The following DHTKD1 variants were observed in gnomAD, a reference collection of about 807,000 sequenced individuals.
DHTKD1 encodes the protein dehydrogenase E1 and transketolase domain containing 1, also known as 2-oxoadipate dehydrogenase complex component E1.
DHTKD1 carries 78 observed loss-of-function variants against 101.8 expected under a neutral mutation model. The observed-to-expected ratio is 0.77, with a 90% confidence interval of 0.64 to 0.93. The LOEUF (loss-of-function observed/expected upper bound fraction) is 0.93, where lower values mean the gene tolerates loss of function less well. Ranked by LOEUF, DHTKD1 falls within the 40% of genes least tolerant of loss-of-function variation. DHTKD1 has a pLI of 0.00. For synonymous variants in DHTKD1, 462 were observed against 450.3 expected (o/e 1.03, Z -0.33); for missense variants, 1,223 against 1,161.7 (o/e 1.05, Z -0.77).
intron 11 of DHTKD1, among the ~76,000 whole-genome samples, chr10:12,106,622 C>T (rs1833252449): frequency 6.6e-6 from 1 of 152,170 alleles, no homozygotes; most frequent in South Asian, 2.1e-4. Flanking sequence ...GCACTGGTGC[C>T]ACCCAGCACC....
chr10:12,087,501 C>T lies in DHTKD1; in HGVS notation c.523-34C>T. 3 of 1,544,294 alleles carry T rather than the reference C, an allele frequency of 1.9e-6. No individual in the cohort carries two copies. Among genetic ancestry groups the T allele is most frequent in the Non-Finnish European group, 2.6e-6 (3 of 1,142,636 alleles). On this transcript the variant is annotated intron_variant, in intron 3 of 16. Transcript: ENST00000263035. This position sits in a 1 kb window ranked among gnomAD's most constrained non-coding sequence, Gnocchi z 5.2. ...CTTCCACTGGAGAAGCTGGCTGTCTCCTGGCAGCTCACGTCTGACATGATG... is the reference window on the plus strand; with the variant it reads ...CTTCCACTGGAGAAGCTGGCTGTCTTCTGGCAGCTCACGTCTGACATGATG...
chr10:12,086,590 T>C (rs1832903099), intron 3 of DHTKD1, among the ~76,000 whole-genome samples: 1 of 152,128 alleles, frequency 6.6e-6, no homozygotes, highest in Non-Finnish European at 1.5e-5. Context: ...CCCAAAGTGC[T>C]GGGATTAAGG....
chr10:12,085,135 C>A (rs989689930), intron 3 of DHTKD1, among the ~76,000 whole-genome samples: 4 of 152,034 alleles, frequency 2.6e-5, no homozygotes, highest in Non-Finnish European at 1.5e-5. Flanking sequence ...CATAGAGAAA[C>A]CCCGTCTCTA....
intron 7 of DHTKD1, among the ~76,000 whole-genome samples, chr10:12,096,995 T>C (rs1249010601): frequency 2.0e-5 from 3 of 152,236 alleles, no homozygotes; most frequent in Admixed American, 6.5e-5. Context: ...CAAAAACTTA[T>C]AAATTTGTTT....
chr10:12,098,537 G>A (rs1833108848), intron 8 of DHTKD1, among the ~76,000 whole-genome samples: 1 of 152,130 alleles, frequency 6.6e-6, no homozygotes, highest in African/African-American at 2.4e-5. Flanking sequence ...CTTAAGCTTG[G>A]ATGAAGGAAC....
rs997479478 is a variant in DHTKD1 at position 12,107,558 on chromosome 10, C to T, written c.2048-351C>T. Among the ~76,000 whole-genome samples the T allele has an allele frequency of 1.3e-5, 2 of 152,078 alleles. No homozygotes were observed. Among genetic ancestry groups the T allele is most frequent in the African/African-American group, 2.4e-5 (1 of 41,422 alleles). ...TCAGCCTCCCGAGTAGCTGGGACTA[C>T]AGACATGTGCCACTACAGCTGGCTA... On this transcript the variant is annotated intron_variant, in intron 11 of 16. Transcript: ENST00000263035. This position sits in a 1 kb window ranked among gnomAD's most constrained non-coding sequence, Gnocchi z 4.1.
intron 1 of DHTKD1, among the ~76,000 whole-genome samples, chr10:12,075,194 T>G (rs889561663): frequency 6.6e-6 from 1 of 152,138 alleles, no homozygotes; most frequent in African/African-American, 2.4e-5. Flanking sequence ...TTTTTCTTTT[T>G]TTTGAGACGG....
At chr10:12,119,632 A>G (rs7095490) in intron 15 of DHTKD1, among the ~76,000 whole-genome samples, 1,528 of 150,896 alleles carry the variant, frequency 0.01, 28 homozygotes, top group African/African-American at 0.035. Context: ...AAAAAAAAAA[A>G]AAAGAAAGAA....
At chr10:12,084,304 GAT>G (rs1491252956) in intron 2 of DHTKD1, among the ~76,000 whole-genome samples, 1 of 93,416 alleles carries the variant, frequency 1.1e-5, no homozygotes, top group Admixed American at 1.2e-4. Context: ...CTTGCCACAT[GAT>G]TTTTTTTTTT....
In DHTKD1 at chr10:12,108,004, C is replaced by T. The variant is rs200788729; in HGVS notation, c.2143C>T (p.Arg715Cys). Reference sequence around the variant, plus strand: ...AGACCACTCATCCTGTCGAATAGAGCGTTTCCTGCAGGTAAGGGTAACGTC... The same window carrying T: ...AGACCACTCATCCTGTCGAATAGAGTGTTTCCTGCAGGTAAGGGTAACGTC... ...GPDHSSCRIE[R>C]FLQMCDSAEE... is the part of the protein sequence containing the mutation. Residue 715 changes from arginine to cysteine, a missense_variant, in exon 12 of 17, where the codon CGT becomes TGT. By Grantham distance (180) the Arg-to-Cys change is radical. Coordinates refer to ENST00000263035, the MANE Select transcript of DHTKD1 (RefSeq NM_018706.7). 39 of 1,612,732 alleles carry T rather than the reference C, an allele frequency of 2.4e-5. No individual in the cohort carries two copies. Among genetic ancestry groups the T allele is most frequent in the East Asian group, 6.7e-5 (3 of 44,852 alleles).
intron 13 of DHTKD1, among the ~76,000 whole-genome samples, 157 bp from the exon 14 acceptor site, chr10:12,117,516 T>C (rs948137211): frequency 6.6e-6 from 1 of 152,092 alleles, no homozygotes; most frequent in African/African-American, 2.4e-5. Context: ...TATACAGAAC[T>C]GATATTTTTT....
At position 12,088,972 on chromosome 10, in the gene DHTKD1, T is replaced by C. The variant is rs957443938; in HGVS notation, c.718-14T>C. 8 of 1,603,702 alleles carry C rather than the reference T, an allele frequency of 5.0e-6. No individual in the cohort carries two copies. Among genetic ancestry groups the C allele is most frequent in the African/African-American group, 1.3e-5 (1 of 74,688 alleles). Reference sequence around the variant, plus strand: ...TGAATGCCATTTTTTTCCTTTTGAATGTATCCACAATAGCTGATGTTCCGT... The same window carrying C: ...TGAATGCCATTTTTTTCCTTTTGAACGTATCCACAATAGCTGATGTTCCGT... On this transcript the variant is annotated splice_polypyrimidine_tract_variant and intron_variant, in intron 4 of 16. Transcript: ENST00000263035.
At chr10:12,119,552 C>T (rs1445107443) in intron 15 of DHTKD1, among the ~76,000 whole-genome samples, 137 of 140,238 alleles carry the variant, frequency 9.8e-4, no homozygotes, top group African/African-American at 3.6e-3. Flanking sequence ...GGAGGCGGAG[C>T]TTGCAGTGAG....
chr10:12,097,172 C>T (rs1247342828), intron 7 of DHTKD1, among the ~76,000 whole-genome samples: 2 of 152,114 alleles, frequency 1.3e-5, no homozygotes, highest in Non-Finnish European at 2.9e-5. Flanking sequence ...AACTCAGTGG[C>T]ATTTATTTAC....
chr10:12,102,790 G>A (rs767173394), intron 10 of DHTKD1, among the ~76,000 whole-genome samples: 2 of 152,068 alleles, frequency 1.3e-5, no homozygotes, highest in Non-Finnish European at 1.5e-5. Flanking sequence ...GTGCAGTGGC[G>A]TGATCTAGGC....
chr10:12,094,433 T>C (rs947686465), intron 7 of DHTKD1, 162 bp downstream of exon 7: 34 of 661,882 alleles, frequency 5.1e-5, no homozygotes, highest in South Asian at 4.0e-4. Flanking sequence ...TCCTCCTGCC[T>C]CAAGTGATCC....
In DHTKD1 at chr10:12,121,006, G is replaced by A. The variant is rs766455954; in HGVS notation, c.*118G>A. On this transcript the variant is annotated 3_prime_UTR_variant, in exon 17 of 17. Transcript: ENST00000263035. ...AGGCCAAGGCTGGTGGATCACCTGA[G>A]GTCAGGAGTTCGAGACCAGCCTGGC... The A allele has an allele frequency of 3.6e-4, 305 of 844,066 alleles. No homozygotes were observed. The highest frequency in any genetic ancestry group is 5.1e-4 in the Non-Finnish European group (274 of 538,430). The allele number at this position is 844,066 out of a possible 1,614,324, so 52.3% of individuals were successfully genotyped here.
rs1833266128 is a variant in DHTKD1, at chr10:12,107,370, T to C, written c.2048-539T>C. 6.6e-6 allele frequency among the ~76,000 whole-genome samples: 1 copy of C among 151,988 alleles called. No individual in the cohort carries two copies. The highest frequency in any genetic ancestry group is 2.4e-5 in the African/African-American group (1 of 41,400). On this transcript the variant is annotated intron_variant, in intron 11 of 16. Coordinates refer to ENST00000263035, the MANE Select transcript of DHTKD1 (RefSeq NM_018706.7). This position sits in a 1 kb window ranked among gnomAD's most constrained non-coding sequence, Gnocchi z 4.1. Reference sequence around the variant, plus strand: ...TCCAGGAAGCTGGGAACGTTCCCCTTTGAGTTTGTCTTCCACTCGTAAAAG... The same window carrying C: ...TCCAGGAAGCTGGGAACGTTCCCCTCTGAGTTTGTCTTCCACTCGTAAAAG...
Position 12,117,661 on chromosome 10 carries a change from T to G in DHTKD1, c.2320-12T>G, listed in dbSNP as rs762438681. On this transcript the variant is annotated splice_polypyrimidine_tract_variant and intron_variant, in intron 13 of 16. Transcript: ENST00000263035. ...GTTGCTTGCTGGATGTGTGGCCTCT[T>G]CTCCCTCGTAGGCAGCCGTGTCAAC... 7.7e-6 allele frequency: 12 copies of G among 1,554,882 alleles called. No homozygotes were observed. Among genetic ancestry groups the G allele is most frequent in the Non-Finnish European group, 1.8e-6 (2 of 1,134,212 alleles).
Sources: gnomAD v4.1 joint callset for allele counts (sites outside exome capture counted in the v4.1 genomes callset) on GRCh38, gnomAD v4.1.1 for gene constraint, Gnocchi (gnomAD v3.1) non-coding constraint, MANE v1.5 for transcripts, NCBI Gene and HGNC (gene_info 2026-07-23, HGNC 2026-07-21) for gene names.